Variants in FRMPD4 observed in about 807,000 individuals in gnomAD.
The protein encoded by FRMPD4 is FERM and PDZ domain-containing protein 4.
Under a neutral mutation model 94.1 loss-of-function variants are expected in FRMPD4, and 22 were observed. The observed-to-expected ratio is 0.23, with a 90% CI of 0.17 to 0.33. The LOEUF is 0.33. FRMPD4 is among the 10% of genes least tolerant of loss of function. The pLI is 1.00. For missense variants in FRMPD4, 1,111 were observed against 1,339.9 expected, an observed-to-expected ratio of 0.83 and a Z score of 2.67; for synonymous variants, 631 against 548.6, an observed-to-expected ratio of 1.15 and a Z score of -2.10.
intron 1 of FRMPD4, among the ~76,000 whole-genome samples, chrX:12,298,776 C>T (rs1433832279): frequency 8.9e-6 from 1 of 112,144 alleles, no homozygotes; most frequent in Non-Finnish European, 1.9e-5. Context: ...GTTATAAAAA[C>T]GAGAGCATCC....
chrX:12,679,599 G>A (rs1174269810), intron 5 of FRMPD4, among the ~76,000 whole-genome samples: 1 of 111,840 alleles, frequency 8.9e-6, no homozygotes, highest in Non-Finnish European at 1.9e-5. Flanking sequence ...GCCTGGGCAG[G>A]GTGCTCACAA....
intron 3 of FRMPD4, among the ~76,000 whole-genome samples, chrX:11,906,378 A>G (rs2053968052): frequency 9.1e-6 from 1 of 110,179 alleles, no homozygotes; most frequent in South Asian, 3.8e-4. Flanking sequence ...CGATCTCCTG[A>G]CCTTGTGATC....
At chrX:12,038,183 G>A (rs1207114679) in intron 3 of FRMPD4, among the ~76,000 whole-genome samples, 1 of 111,983 alleles carries the variant, frequency 8.9e-6, no homozygotes, top group Non-Finnish European at 1.9e-5. Flanking sequence ...GTATGCTTAA[G>A]TTTTTAAGAC....
intron 1 of FRMPD4, among the ~76,000 whole-genome samples, chrX:12,198,108 T>G (rs1430915417): frequency 1.8e-5 from 2 of 111,975 alleles, no homozygotes; most frequent in Admixed American, 1.9e-4. Context: ...AAATTTAATG[T>G]GAATATATTA....
Position 12,064,966 on chromosome X carries a change from T to C in FRMPD4, c.95+186948T>C, listed in dbSNP as rs182760711. Among the ~76,000 whole-genome samples, 462 of 112,201 alleles carry C rather than the reference T, an allele frequency of 4.1e-3. 4 individuals are homozygous for C. Among genetic ancestry groups the C allele is most frequent in the African/African-American group, 0.014 (441 of 30,916 alleles). ...GTTAGTAATAAGTACACAGAATCCATATGATTTTTATATGTCAGTGTGCAT... is the reference window on the plus strand; with the variant it reads ...GTTAGTAATAAGTACACAGAATCCACATGATTTTTATATGTCAGTGTGCAT... On this transcript the variant is annotated intron_variant, in intron 3 of 18. Coordinates refer to the FRMPD4 transcript ENST00000640291.
chrX:12,663,280 T>C lies in FRMPD4; in HGVS notation c.423-11583T>C, dbSNP rs1012253727. On this transcript the variant is annotated intron_variant, in intron 4 of 16. Transcript: ENST00000675598. Reference sequence around the variant, plus strand: ...GCCATGCAGTCTTTCCCCATGCCTATGTCCTGAATGGTGCCTGGTTTGCCT... The same window carrying C: ...GCCATGCAGTCTTTCCCCATGCCTACGTCCTGAATGGTGCCTGGTTTGCCT... Among the ~76,000 whole-genome samples the C allele has an allele frequency of 2.7e-5, 3 of 112,423 alleles. No individual in the cohort carries two copies. In the East Asian group the frequency reaches 8.2e-4, roughly 31 times the overall value.
At chrX:12,134,056 A>G (rs1275510047), upstream of FRMPD4, among the ~76,000 whole-genome samples, 1 of 111,968 alleles carries the variant, frequency 8.9e-6, no homozygotes, top group East Asian at 2.8e-4. Context: ...TCCTGCCTCA[A>G]GGACTCCATC....
chrX:12,000,897 T>C (rs1274516400), intron 3 of FRMPD4, among the ~76,000 whole-genome samples: 1 of 112,335 alleles, frequency 8.9e-6, no homozygotes, highest in Non-Finnish European at 1.9e-5. Flanking sequence ...TATTTGTAAA[T>C]CTGAGTTTTC....
At chrX:12,694,033 C>A (rs1006727832) in intron 8 of FRMPD4, among the ~76,000 whole-genome samples, 2 of 111,314 alleles carry the variant, frequency 1.8e-5, no homozygotes, top group Non-Finnish European at 3.8e-5. Flanking sequence ...TGAGGAGGCA[C>A]CCTTGCTTGG....
At chrX:12,329,214 G>T (rs2055333887) in intron 1 of FRMPD4, among the ~76,000 whole-genome samples, 1 of 111,997 alleles carries the variant, frequency 8.9e-6, no homozygotes, top group African/African-American at 3.2e-5. Context: ...TTCCTTCTGG[G>T]TGTGGGGCAG....
intron 1 of FRMPD4, among the ~76,000 whole-genome samples, chrX:12,347,140 T>C (rs1028113406): frequency 6.2e-5 from 7 of 112,244 alleles, no homozygotes; most frequent in Admixed American, 9.4e-5. Flanking sequence ...TTCTAGTATA[T>C]GTCTTTAATA....
intron 1 of FRMPD4, among the ~76,000 whole-genome samples, chrX:12,453,331 GA>G (rs200796796): frequency 9.0e-5 from 10 of 111,416 alleles, no homozygotes; most frequent in Non-Finnish European, 1.1e-4. Context: ...AATGGTTAGA[GA>G]AAAAAAATGA....
chrX:12,580,532 A>G (rs894672551), intron 2 of FRMPD4, among the ~76,000 whole-genome samples: 2 of 112,406 alleles, frequency 1.8e-5, no homozygotes, highest in Non-Finnish European at 3.8e-5. Context: ...TAGACCATTT[A>G]TAACAACATA....
chrX:12,647,543 A>G (rs1422182896), intron 4 of FRMPD4, among the ~76,000 whole-genome samples: 3 of 111,817 alleles, frequency 2.7e-5, no homozygotes, highest in Non-Finnish European at 5.6e-5. Flanking sequence ...AGCCAGAGAG[A>G]GCCCCCAGGC....
At position 12,717,880 on chromosome X, in the gene FRMPD4, G is replaced by A. The variant is rs757627461; in HGVS notation, c.3054G>A (p.Ser1018=). The part of the protein sequence containing the change: ...TDYFSKLHMG[S]VAYSCTSKRK... ...ATTTTAGCAAACTGCACATGGGGTCGGTGGCATACTCCTGCACTAGCAAAA... is the reference window on the plus strand; with the variant it reads ...ATTTTAGCAAACTGCACATGGGGTCAGTGGCATACTCCTGCACTAGCAAAA... The change falls in exon 16 of 17, where the codon TCG becomes TCA. Residue 1018 remains serine, a synonymous_variant. Transcript: ENST00000675598. The A allele has an allele frequency of 1.7e-5, 20 of 1,210,063 alleles. No homozygotes were observed. Among genetic ancestry groups the A allele is most frequent in the East Asian group, 8.9e-5 (3 of 33,771 alleles).
At chrX:12,720,070 G>GA (rs1177957911) in intron 16 of FRMPD4, among the ~76,000 whole-genome samples, 1 of 103,010 alleles carries the variant, frequency 9.7e-6, no homozygotes, top group Admixed American at 1.0e-4. Flanking sequence ...AAGAAAGAAA[G>GA]AAAGAAAGAA....
At chrX:12,018,136 GA>G (rs1300900105) in intron 3 of FRMPD4, among the ~76,000 whole-genome samples, 34 of 102,724 alleles carry the variant, frequency 3.3e-4, no homozygotes, top group Middle Eastern at 4.8e-3. Context: ...ACTACAGTGG[GA>G]AAAAAAAAAA....
chrX:11,907,166 C>T (rs1333668598), intron 3 of FRMPD4, among the ~76,000 whole-genome samples: 1 of 109,807 alleles, frequency 9.1e-6, no homozygotes, highest in African/African-American at 3.3e-5. Context: ...TTATTGTGAT[C>T]GTATTTTTTT....
intron 2 of FRMPD4, among the ~76,000 whole-genome samples, chrX:12,576,591 A>G (rs1033789902): frequency 8.9e-6 from 1 of 112,708 alleles, no homozygotes; most frequent in African/African-American, 3.2e-5. Context: ...TCAAGCAAGG[A>G]AAACAAATCT....
Sources: gnomAD v4.1 joint callset for allele counts (sites outside exome capture counted in the v4.1 genomes callset) on GRCh38, gnomAD v4.1.1 for gene constraint, MANE v1.5 for transcripts, NCBI Gene and HGNC (gene_info 2026-07-23, HGNC 2026-07-21) for gene names.